Variants in STAT5B observed in about 807,000 individuals in gnomAD.
The protein encoded by STAT5B is transcription factor STAT5B.
A neutral mutation model predicts 107.8 loss-of-function variants in STAT5B; 21 were observed. The observed-to-expected ratio is 0.19, with a 90% CI of 0.14 to 0.28. The LOEUF is 0.28. STAT5B is among the 10% of genes least tolerant of loss of function. The probability of loss-of-function intolerance (pLI) is 1.00; values close to 1 mark genes in which losing one functional copy is unlikely to be tolerated. For missense variants in STAT5B, 565 were observed against 1,008.2 expected, an observed-to-expected ratio of 0.56 and a Z score of 5.95; for synonymous variants, 325 against 401.7, an observed-to-expected ratio of 0.81 and a Z score of 2.28.
chr17:42,254,821 G>A (rs1171928595), intron 1 of STAT5B, among the ~76,000 whole-genome samples: 3 of 152,138 alleles, frequency 2.0e-5, no homozygotes, highest in Non-Finnish European at 2.9e-5. Flanking sequence ...AGGTCGGTGC[G>A]GTGGCTCATG....
chr17:42,210,115 A>G, intron 15 of STAT5B, 56 bp downstream of exon 15: 1 of 1,613,684 alleles, frequency 6.2e-7, no homozygotes, highest in Non-Finnish European at 8.5e-7. Flanking sequence ...TATTTGTTAA[A>G]ATAATTTTGT....
intron 1 of STAT5B, among the ~76,000 whole-genome samples, chr17:42,262,890 ATG>A (rs1187616972): frequency 7.2e-5 from 9 of 124,456 alleles, no homozygotes; most frequent in South Asian, 2.4e-4. Flanking sequence ...ACACATATAT[ATG>A]TGTGTATATA....
At chr17:42,249,827 A>AT (rs2080483211) in intron 1 of STAT5B, among the ~76,000 whole-genome samples, 1 of 151,814 alleles carries the variant, frequency 6.6e-6, no homozygotes, top group Non-Finnish European at 1.5e-5. Context: ...TGCCTGGCTC[A>AT]TTTTTTGTAT....
At chr17:42,255,096 A>C (rs1301342007) in intron 1 of STAT5B, among the ~76,000 whole-genome samples, 1 of 152,208 alleles carries the variant, frequency 6.6e-6, no homozygotes, top group Non-Finnish European at 1.5e-5. Context: ...TCTAAAAAAA[A>C]AAAAGTTTCT....
At chr17:42,233,712 G>A (rs926656914) in intron 1 of STAT5B, 1 of 151,966 alleles carries the variant, frequency 6.6e-6, no homozygotes, top group Non-Finnish European at 1.5e-5. Context: ...GGATGGTCTC[G>A]ATATCCTGAC....
In STAT5B at chr17:42,218,659, G is replaced by A. The variant is rs2948176; in HGVS notation, c.989+64C>T. The A allele has an allele frequency of 3.5e-4, 556 of 1,611,038 alleles. 1 individual carries two copies. Among genetic ancestry groups the A allele is most frequent in the East Asian group, 2.8e-3 (126 of 44,610 alleles). On this transcript the variant is annotated intron_variant, in intron 8 of 18. Coordinates refer to ENST00000293328, the MANE Select transcript of STAT5B (RefSeq NM_012448.4). ...ATCTGCTGGTCTGGAAGGCACCTGC[G>A]GCTCCCCCCACGCAGGCAGGAGCTG...
At chr17:42,243,984 C>T (rs980508189) in intron 1 of STAT5B, among the ~76,000 whole-genome samples, 2 of 151,550 alleles carry the variant, frequency 1.3e-5, no homozygotes, top group Non-Finnish European at 2.9e-5. Flanking sequence ...AAAGCACTTG[C>T]TGTAGCCCAA....
At chr17:42,202,236 C>T in intron 18 of STAT5B, 104 bp downstream of exon 18, 2 of 1,363,054 alleles carry the variant, frequency 1.5e-6, no homozygotes, top group South Asian at 1.2e-5. Context: ...TGGTCTCAGA[C>T]CTAGAGGAGC....
intron 1 of STAT5B, among the ~76,000 whole-genome samples, chr17:42,244,254 ATTTT>A (rs556581450): frequency 1.5e-5 from 2 of 132,058 alleles, no homozygotes; most frequent in Admixed American, 7.6e-5. Context: ...TGCCCGGCTA[ATTTT>A]TTTTTTTTTT....
At chr17:42,213,352 G>A (rs918891632) in intron 12 of STAT5B, among the ~76,000 whole-genome samples, 8 of 151,298 alleles carry the variant, frequency 5.3e-5, no homozygotes, top group Admixed American at 2.6e-4. Flanking sequence ...GACTACAGGC[G>A]TGCACCACCA....
At chr17:42,262,633 A>G (rs1275276188) in intron 1 of STAT5B, among the ~76,000 whole-genome samples, 1 of 151,588 alleles carries the variant, frequency 6.6e-6, no homozygotes, top group African/African-American at 2.4e-5. Flanking sequence ...CATGAAGGGG[A>G]AAAGCCAATG....
chr17:42,250,923 C>CA (rs562263374), intron 1 of STAT5B, among the ~76,000 whole-genome samples: 926 of 58,914 alleles, frequency 0.016, 10 homozygotes, highest in Admixed American at 0.024. Flanking sequence ...AACTCTGTCT[C>CA]AAAAAAAAAA....
chr17:42,274,100 T>C (rs1423612159), intron 1 of STAT5B, among the ~76,000 whole-genome samples: 3 of 152,072 alleles, frequency 2.0e-5, no homozygotes, highest in Non-Finnish European at 4.4e-5. Flanking sequence ...ACAATCCATA[T>C]TAATATCCCG....
At chr17:42,282,473 G>A in the STAT5B span, among the ~76,000 whole-genome samples, 2 of 152,124 alleles carry the variant, frequency 1.3e-5, no homozygotes, top group Non-Finnish European at 2.9e-5. Context: ...ACAGGCATCT[G>A]CCACCACACC....
chr17:42,212,129 T>C lies in STAT5B; in HGVS notation c.1535A>G (p.Asn512Ser), dbSNP rs1440513869. 1 of 1,614,172 alleles carries C rather than the reference T, an allele frequency of 6.2e-7. No homozygotes were observed. The change falls in exon 13 of 19, where the codon AAC becomes AGC. Residue 512 changes from asparagine (N) to serine (S), a missense_variant. By Grantham distance (46) the Asn-to-Ser change is conservative. Around this residue, in one of 11 missense-constraint regions of STAT5B, gnomAD observed 127 missense variants for 215.8 expected, o/e 0.59. Transcript: ENST00000293328. The stretch of plus-strand genomic sequence containing the variant: ...CTGCACTTCGGCCTTGAATTTCATG[T>C]TGAGCGCCTCACACAGCTGTGGCCA... ...VLWPQLCEAL[N>S]MKFKAEVQSN...
At chr17:42,242,934 C>G (rs546738615) in intron 1 of STAT5B, among the ~76,000 whole-genome samples, 1 of 151,998 alleles carries the variant, frequency 6.6e-6, no homozygotes, top group Non-Finnish European at 1.5e-5. Flanking sequence ...CAGCATGCTC[C>G]TTAAGAGTCA....
At chr17:42,215,146 TC>T (rs2080160833) in intron 12 of STAT5B, among the ~76,000 whole-genome samples, 1 of 152,184 alleles carries the variant, frequency 6.6e-6, no homozygotes, top group African/African-American at 2.4e-5. Flanking sequence ...AGGCAAAGTA[TC>T]TCATTCTTCA....
At chr17:42,224,494 C>T (rs558189304) in intron 4 of STAT5B, among the ~76,000 whole-genome samples, 1 of 152,042 alleles carries the variant, frequency 6.6e-6, no homozygotes, top group Non-Finnish European at 1.5e-5. Context: ...CATATGCCAC[C>T]ATGCCCAGCT....
chr17:42,216,121 G>A lies in STAT5B; in HGVS notation c.1381-15C>T. The A allele has an allele frequency of 1.2e-6, 2 of 1,608,860 alleles. No homozygotes were observed. Among genetic ancestry groups the A allele is most frequent in the Non-Finnish European group, 1.7e-6 (2 of 1,177,702 alleles). Reference sequence around the variant, plus strand: ...AGGGACAGGGTCTAAAAAGACACAAGAGAAGGCTGAGCGCCCACGAGCCTC... The same window carrying A: ...AGGGACAGGGTCTAAAAAGACACAAAAGAAGGCTGAGCGCCCACGAGCCTC... On this transcript the variant is annotated splice_polypyrimidine_tract_variant and intron_variant, in intron 11 of 18. Coordinates refer to ENST00000293328, the MANE Select transcript of STAT5B (RefSeq NM_012448.4).
Sources: gnomAD v4.1 joint callset for allele counts (sites outside exome capture counted in the v4.1 genomes callset) on GRCh38, gnomAD v4.1.1 for gene constraint, gnomAD v4.1.1 regional missense constraint, MANE v1.5 for transcripts, NCBI Gene and HGNC (gene_info 2026-07-23, HGNC 2026-07-21) for gene names.